Variants in PSMD13 observed in about 807,000 individuals in gnomAD.
PSMD13 encodes 26S proteasome non-ATPase regulatory subunit 13.
A neutral mutation model predicts 57.4 loss-of-function variants in PSMD13; 8 were observed. The observed-to-expected ratio is 0.14, with a 90% CI of 0.08 to 0.25. The LOEUF (loss-of-function observed/expected upper bound fraction) is 0.25. Among genes scored for constraint, PSMD13 ranks in the 10% least tolerant of loss-of-function variants. The pLI is 1.00. For missense variants in PSMD13, 400 were observed against 461.5 expected (o/e 0.87, Z 1.22); for synonymous variants, 193 against 168.2 (o/e 1.15, Z -1.14).
At chr11:240,172 C>T (rs1417468631) in intron 2 of PSMD13, among the ~76,000 whole-genome samples, 1 of 120,454 alleles carries the variant, frequency 8.3e-6, no homozygotes, top group Non-Finnish European at 1.6e-5. Flanking sequence ...TGCAATGGTG[C>T]GATCTTGGCT....
intron 10 of PSMD13, 64 bp downstream of exon 10, chr11:250,929 C>T: frequency 2.1e-6 from 3 of 1,424,022 alleles, no homozygotes; most frequent in South Asian, 1.1e-5. Flanking sequence ...GGGGGCGCTG[C>T]ACTCTCCAAG....
chr11:250,457 G>C (rs1301303851), intron 9 of PSMD13, among the ~76,000 whole-genome samples: 1 of 152,132 alleles, frequency 6.6e-6, no homozygotes, highest in Non-Finnish European at 1.5e-5. Flanking sequence ...TGGGCAGTAG[G>C]GTGTATCCTT....
rs1859665660 is a variant in PSMD13 at position 247,175 on chromosome 11, G to A, written c.397-102G>A. The A allele has an allele frequency of 1.0e-5, 12 of 1,180,218 alleles. No individual in the cohort carries two copies. In the South Asian group the frequency reaches 1.8e-4, roughly 18 times the overall value. The allele number at this position is 1,180,218 out of a possible 1,614,324, so 73.1% of individuals were successfully genotyped here. ...AGGTGGGAGGATCACTTGAGGCCAG[G>A]AGTTCAAGACCACCCTAGGCAACAG... is the stretch of plus-strand genomic sequence containing the variant. On this transcript the variant is annotated intron_variant, in intron 6 of 12. Coordinates refer to ENST00000532097, the MANE Select transcript of PSMD13 (RefSeq NM_002817.4).
chr11:246,488 G>A (rs936981109), intron 6 of PSMD13, among the ~76,000 whole-genome samples: 3 of 152,092 alleles, frequency 2.0e-5, no homozygotes, highest in Admixed American at 6.6e-5. Flanking sequence ...GCAACAGAGC[G>A]AGACTCTGTC....
chr11:250,990 G>T, intron 10 of PSMD13, 125 bp downstream of exon 10: 1 of 832,078 alleles, frequency 1.2e-6, no homozygotes, highest in Non-Finnish European at 2.0e-6. Flanking sequence ...GCTGTGCGCC[G>T]CTCTCTTCAC....
At chr11:237,323 G>A (rs767529714) in intron 1 of PSMD13, among the ~76,000 whole-genome samples, 179 bp downstream of exon 1, 5 of 152,228 alleles carry the variant, frequency 3.3e-5, no homozygotes, top group Non-Finnish European at 7.3e-5. Context: ...GAGTGGCAGG[G>A]TCGAGGAATA....
chr11:245,267 C>A (rs912290290), intron 6 of PSMD13, among the ~76,000 whole-genome samples: 1 of 152,132 alleles, frequency 6.6e-6, no homozygotes, highest in African/African-American at 2.4e-5. Flanking sequence ...CCTTTTACCG[C>A]TTTTGCCTTT....
At chr11:241,669 G>A (rs1421766121) in intron 2 of PSMD13, among the ~76,000 whole-genome samples, 3 of 152,014 alleles carry the variant, frequency 2.0e-5, no homozygotes, top group African/African-American at 2.4e-5. Context: ...CTCTGTGACC[G>A]GCCCACATCT....
rs1020535896 is a variant in PSMD13, at chr11:252,246, C to T, written c.1036-259C>T. 5 of 520,924 alleles carry T rather than the reference C, an allele frequency of 9.6e-6. No individual in the cohort carries two copies. The highest frequency in any genetic ancestry group is 3.2e-5 in the Admixed American group (1 of 31,042). 32.3% of individuals were successfully genotyped at this position (520,924 alleles called of 1,614,324 possible). ...GTGATTTGAGCTCACGTCGCTCTTA[C>T]ATTTGCTGGAAATGCGATCCTGTGG... is the stretch of plus-strand genomic sequence containing the variant. On this transcript the variant is annotated intron_variant, in intron 12 of 12. Transcript: ENST00000532097. The surrounding 1 kb of genome is among the most constrained non-coding windows in gnomAD (Gnocchi z 4.1).
In PSMD13 at chr11:251,276, C is replaced by T. The variant is rs908225819; in HGVS notation, c.838-270C>T. 19 of 491,196 alleles carry T rather than the reference C, an allele frequency of 3.9e-5. No homozygotes were observed. The highest frequency in any genetic ancestry group is 6.5e-5 in the Non-Finnish European group (18 of 275,728). The allele number at this position is 491,196 out of a possible 1,614,324, so 30.4% of individuals were successfully genotyped here. On this transcript the variant is annotated intron_variant, in intron 10 of 12. Transcript: ENST00000532097. The surrounding 1 kb of genome is among the most constrained non-coding windows in gnomAD (Gnocchi z 4.6). ...TTTGCCGTGGTCACCCCTGGTCAAC[C>T]CTGGCAAATTGTGGCCTCAAGTACT...
chr11:251,918 A>T lies in PSMD13; in HGVS notation c.1017A>T (p.Arg339=), dbSNP rs775295951. The T allele has an allele frequency of 6.2e-7, 1 of 1,613,730 alleles. No homozygotes were observed. The highest frequency in any genetic ancestry group is 1.7e-4 in the Middle Eastern group (1 of 6,058). The change falls in exon 12 of 13, where the codon CGA becomes CGT. Residue 339 remains arginine (R), a synonymous_variant. Transcript: ENST00000532097. The surrounding 1 kb of genome is among the most constrained non-coding windows in gnomAD (Gnocchi z 4.6). ...TCCACATGACCTGGGTGCAGCCCCG[A>T]GTGTTGGATTTGCAACAGGTGATGT... ...KRVHMTWVQP[R]VLDLQQIKGM... is the part of the protein sequence containing the mutation.
intron 1 of PSMD13, among the ~76,000 whole-genome samples, chr11:237,919 C>T (rs1450717925): frequency 6.6e-6 from 1 of 152,238 alleles, no homozygotes; most frequent in Non-Finnish European, 1.5e-5. Context: ...TTAACCCTAG[C>T]ATTTAATATA....
chr11:248,917 T>C lies in PSMD13; in HGVS notation c.649-15T>C. On this transcript the variant is annotated splice_polypyrimidine_tract_variant and intron_variant, in intron 8 of 12. Coordinates refer to ENST00000532097, the MANE Select transcript of PSMD13 (RefSeq NM_002817.4). ...AGACTAAAGTGTTACTAGCTGACCA[T>C]CTCCATCCTCACAGCTCATGCACCC... 1.9e-6 allele frequency: 3 copies of C among 1,614,094 alleles called. No homozygotes were observed. Among genetic ancestry groups the C allele is most frequent in the African/African-American group, 1.3e-5 (1 of 75,002 alleles).
chr11:251,205 C>T lies in PSMD13; in HGVS notation c.837+340C>T. On this transcript the variant is annotated intron_variant, in intron 10 of 12. Coordinates refer to ENST00000532097, the MANE Select transcript of PSMD13 (RefSeq NM_002817.4). The surrounding 1 kb of genome is among the most constrained non-coding windows in gnomAD (Gnocchi z 4.6). ...TGTGTACACGCACATCTGTCTTTCC[C>T]CACTAGAACTTAAGCTTCGTCAGGA... is the stretch of plus-strand genomic sequence containing the variant. The T allele has an allele frequency of 2.3e-6, 1 of 441,788 alleles. No homozygotes were observed. The highest frequency in any genetic ancestry group is 4.1e-6 in the Non-Finnish European group (1 of 243,812). The allele number at this position is 441,788 out of a possible 1,614,324, so 27.4% of individuals were successfully genotyped here. A position where few individuals can be genotyped will look rare whatever the true frequency, so the allele number is the denominator to read the frequency against.
At chr11:243,959 TTTACCAAAGATA>T in intron 2 of PSMD13, 70 bp from the exon 3 acceptor site, 1 of 1,411,756 alleles carries the variant, frequency 7.1e-7, no homozygotes, top group Non-Finnish European at 9.8e-7. Flanking sequence ...ATGCAGCTTC[TTTACCAAAGATA>T]GTGTTTGGGG....
intron 2 of PSMD13, among the ~76,000 whole-genome samples, chr11:240,244 G>A (rs920206437): frequency 6.6e-6 from 1 of 151,302 alleles, no homozygotes; most frequent in African/African-American, 2.4e-5. Context: ...CAAGTAGCTG[G>A]GATTACAGGT....
chr11:247,025 A>C (rs1859661643), intron 6 of PSMD13, among the ~76,000 whole-genome samples: 1 of 152,126 alleles, frequency 6.6e-6, no homozygotes. Context: ...TTTCCATTTT[A>C]ACGCGGTCAC....
chr11:239,431 A>G (rs942369303), intron 2 of PSMD13, among the ~76,000 whole-genome samples: 10 of 152,188 alleles, frequency 6.6e-5, no homozygotes, highest in Non-Finnish European at 1.3e-4. Context: ...GCTTCTTTTT[A>G]GTACTCTAGT....
chr11:250,861 T>C lies in PSMD13; in HGVS notation c.833T>C (p.Met278Thr). 6.2e-7 allele frequency: 1 copy of C among 1,613,816 alleles called. No homozygotes were observed. The highest frequency in any genetic ancestry group is 8.5e-7 in the Non-Finnish European group (1 of 1,179,946). ...LLRKIQLLCL[M>T]EMTFTRPANH... ...AGGAAAATTCAGTTGTTGTGCCTCA[T>C]GGAGGTAAGCGAACACCCAGGAGCC... Residue 278 changes from methionine (M) to threonine (T), a missense_variant, in exon 10 of 13, where the codon ATG (methionine) becomes ACG (threonine). Physicochemically the swap from Met to Thr is moderately conservative, Grantham distance 81. Coordinates refer to ENST00000532097, the MANE Select transcript of PSMD13 (RefSeq NM_002817.4).
Sources: allele counts gnomAD v4.1 joint callset (sites outside exome capture counted in the v4.1 genomes callset), GRCh38; gene constraint gnomAD v4.1.1; non-coding constraint Gnocchi (gnomAD v3.1); transcripts MANE v1.5; gene names NCBI Gene and HGNC (gene_info 2026-07-23, HGNC 2026-07-21).